Variants in DBH observed in about 807,000 individuals in gnomAD.
The protein encoded by DBH is dopamine beta-hydroxylase (dopamine beta-monooxygenase).
DBH carries 49 observed loss-of-function variants against 64.0 expected under a neutral mutation model. The ratio of observed to expected loss-of-function variants is 0.77; its 90% CI spans 0.61 to 0.97. The LOEUF (loss-of-function observed/expected upper bound fraction) is 0.97. Ranked by LOEUF, DBH falls within the 50% of genes least tolerant of loss-of-function variation. The pLI is 0.00. For missense variants in DBH, 828 were observed against 826.6 expected, an observed-to-expected ratio of 1.00 and a Z score of -0.02; for synonymous variants, 343 against 347.1, an observed-to-expected ratio of 0.99 and a Z score of 0.13.
rs1832123843 is a variant in DBH, at chr9:133,642,196, C to T, written c.487-11C>T. 6.2e-7 allele frequency: 1 copy of T among 1,612,642 alleles called. No individual in the cohort carries two copies. Among genetic ancestry groups the T allele is most frequent in the Non-Finnish European group, 8.5e-7 (1 of 1,179,992 alleles). On this transcript the variant is annotated splice_polypyrimidine_tract_variant and intron_variant, in intron 2 of 11. Coordinates refer to ENST00000393056, the MANE Select transcript of DBH (RefSeq NM_000787.4). ...GAGAGGGCGACCAGCTGAACCCTGT[C>T]TCGGCTGCAGGACGGCACTGTCCAC... is the stretch of plus-strand genomic sequence containing the variant.
At chr9:133,642,133 A>T in intron 2 of DBH, 74 bp from the exon 3 acceptor site, 2 of 1,590,704 alleles carry the variant, frequency 1.3e-6, no homozygotes, top group Non-Finnish European at 8.6e-7. Flanking sequence ...GTGGGCAGGG[A>T]TGTGGCATCC....
At chr9:133,658,184 C>G (rs1588356032) in intron 11 of DBH, 132 bp from the exon 12 acceptor site, 3 of 1,231,000 alleles carry the variant, frequency 2.4e-6, no homozygotes, top group South Asian at 2.7e-5. Context: ...CTTGGGGGAG[C>G]AGAGTGAGTT....
chr9:133,648,333 G>T (rs984998303), intron 6 of DBH, among the ~76,000 whole-genome samples: 1 of 152,154 alleles, frequency 6.6e-6, no homozygotes, highest in Non-Finnish European at 1.5e-5. Context: ...ACTCACAAGC[G>T]CAGGCACTGC....
rs146922432 is a variant in DBH at position 133,636,646 on chromosome 9, G to T, written c.275G>T (p.Arg92Leu). ...KAGVLFGMSDRGELENADLVV... is the reference protein window; with the variant it reads ...KAGVLFGMSDLGELENADLVV... Reference sequence around the variant, plus strand: ...GGCGTCCTGTTTGGGATGTCCGACCGTGGCGAGCTTGAGAACGCAGATCTC... The same window carrying T: ...GGCGTCCTGTTTGGGATGTCCGACCTTGGCGAGCTTGAGAACGCAGATCTC... The change falls in exon 1 of 12, where the codon CGT becomes CTT. Residue 92 changes from arginine to leucine, a missense_variant. Arg to Leu is a moderately radical substitution (Grantham distance 102). Coordinates refer to ENST00000393056, the MANE Select transcript of DBH (RefSeq NM_000787.4). 6.2e-7 allele frequency: 1 copy of T among 1,612,448 alleles called. No homozygotes were observed. The highest frequency in any genetic ancestry group is 1.6e-4 in the Middle Eastern group (1 of 6,062).
chr9:133,654,168 T>C (rs1832285908), intron 9 of DBH, among the ~76,000 whole-genome samples: 1 of 152,004 alleles, frequency 6.6e-6, no homozygotes, highest in African/African-American at 2.4e-5. Flanking sequence ...AGGCTGTGTG[T>C]TCTCAGCTTG....
rs546538752 is a variant in DBH at position 133,648,577 on chromosome 9, G to A, written c.1191+565G>A. On this transcript the variant is annotated intron_variant, in intron 6 of 11. Transcript: ENST00000393056. The stretch of plus-strand genomic sequence containing the variant: ...ATTGCTGCATAGTATTCCACAGGAT[G>A]GGGTTTTCACCACGCACCTGAGCAG... Among the ~76,000 whole-genome samples the A allele has an allele frequency of 6.6e-3, 1,002 of 152,352 alleles. 8 individuals are homozygous for A. The highest frequency in any genetic ancestry group is 7.7e-3 in the South Asian group (37 of 4,828).
At chr9:133,652,898 G>A (rs200525884) in intron 8 of DBH, 42 bp from the exon 9 acceptor site, 154 of 1,519,006 alleles carry the variant, frequency 1.0e-4, no homozygotes, top group Non-Finnish European at 2.9e-5. Flanking sequence ...ACCTGCCAAC[G>A]CCAGGTGGCA....
intron 11 of DBH, among the ~76,000 whole-genome samples, chr9:133,657,780 G>C (rs10993948): frequency 0.036 from 5,548 of 152,302 alleles, 208 homozygotes; most frequent in South Asian, 0.18. Context: ...TGGTCAGGAG[G>C]CCAGGGCCTA....
chr9:133,650,551 C>CTTTTT (rs5901024), intron 6 of DBH, among the ~76,000 whole-genome samples: 20 of 112,396 alleles, frequency 1.8e-4, no homozygotes, highest in African/African-American at 5.4e-4. Flanking sequence ...TCCTTCCTTT[C>CTTTTT]TTTTTTTTTT....
At chr9:133,652,378 A>C (rs2131291844) in intron 8 of DBH, 94 bp downstream of exon 8, 1 of 1,469,130 alleles carries the variant, frequency 6.8e-7, no homozygotes, top group Admixed American at 1.7e-5. Context: ...GGGACACAGA[A>C]AGTGATAGGG....
intron 7 of DBH, 34 bp downstream of exon 7, chr9:133,651,811 C>A (rs1297020960): frequency 6.6e-7 from 1 of 1,524,704 alleles, no homozygotes. Context: ...GCCCCGCCCC[C>A]ACACCCTGCC....
intron 11 of DBH, among the ~76,000 whole-genome samples, chr9:133,657,864 G>A (rs182866013): frequency 4.9e-4 from 74 of 152,330 alleles, no homozygotes; most frequent in African/African-American, 1.6e-3. Flanking sequence ...TTGGGAGCCA[G>A]ATTAACTGCT....
chr9:133,656,581 C>G lies in DBH; in HGVS notation c.1493C>G (p.Thr498Arg), dbSNP rs78512658. ...AACTACGTGCACTACTACCCCCAGA[C>G]GCAGCTGGAGCTCTGCAAGAGCGCT... ...CVNYVHYYPQ[T>R]QLELCKSAVD... Residue 498 changes from threonine (T) to arginine (R), a missense_variant, in exon 10 of 12, where the codon ACG becomes AGG. Thr to Arg is a moderately conservative substitution (Grantham distance 71). Coordinates refer to ENST00000393056, the MANE Select transcript of DBH (RefSeq NM_000787.4). 1 of 1,613,860 alleles carries G rather than the reference C, an allele frequency of 6.2e-7. No individual in the cohort carries two copies. Among genetic ancestry groups the G allele is most frequent in the Non-Finnish European group, 8.5e-7 (1 of 1,180,020 alleles).
intron 11 of DBH, among the ~76,000 whole-genome samples, chr9:133,657,596 A>C (rs538050844): frequency 6.6e-6 from 1 of 152,244 alleles, no homozygotes; most frequent in South Asian, 2.1e-4. Context: ...CACTGTACCG[A>C]ATGCCAAATG....
At position 133,642,209 on chromosome 9, in the gene DBH, C is replaced by A. The variant is rs765749614; in HGVS notation, c.489C>A (p.Asp163Glu). The change falls in exon 3 of 12, where the codon GAC becomes GAA. Residue 163 changes from aspartate to glutamate, a missense_variant and splice_region_variant. Transcript: ENST00000393056. ...TCDPKDYLIE[D>E]GTVHLVYGIL... ...GCTGAACCCTGTCTCGGCTGCAGGA[C>A]GGCACTGTCCACTTGGTCTACGGGA... The A allele has an allele frequency of 6.2e-7, 1 of 1,612,978 alleles. No homozygotes were observed. The highest frequency in any genetic ancestry group is 1.3e-5 in the African/African-American group (1 of 75,012).
At chr9:133,658,255 G>T (rs1386135926) in intron 11 of DBH, 61 bp from the exon 12 acceptor site, 4 of 1,600,676 alleles carry the variant, frequency 2.5e-6, no homozygotes, top group Non-Finnish European at 3.4e-6. Flanking sequence ...AAGTGGCTGG[G>T]GAAGCAGCCA....
chr9:133,637,426 A>C (rs1184598868), intron 1 of DBH, among the ~76,000 whole-genome samples: 1 of 152,230 alleles, frequency 6.6e-6, no homozygotes, highest in African/African-American at 2.4e-5. Context: ...GGGCGAGCCC[A>C]CCGCCTACAA....
chr9:133,639,513 A>C (rs118167234), intron 1 of DBH, among the ~76,000 whole-genome samples: 1,792 of 152,280 alleles, frequency 0.012, 29 homozygotes, highest in Non-Finnish European at 0.016. Context: ...TCTTCTTAAG[A>C]AGCTCAGTGT....
At chr9:133,648,957 T>G (rs776677331) in intron 6 of DBH, among the ~76,000 whole-genome samples, 25 of 152,356 alleles carry the variant, frequency 1.6e-4, no homozygotes, top group East Asian at 7.7e-4. Context: ...GAGTGTTCCC[T>G]TGAGTAAATC....
Sources: allele counts gnomAD v4.1 joint callset (sites outside exome capture counted in the v4.1 genomes callset), GRCh38; gene constraint gnomAD v4.1.1; transcripts MANE v1.5; gene names NCBI Gene and HGNC (gene_info 2026-07-23, HGNC 2026-07-21).